ODAD2: variants seen among roughly 807,000 people sequenced by gnomAD.
The protein encoded by ODAD2 is outer dynein arm docking complex subunit 2, also known as outer dynein arm-docking complex subunit 2.
Under a neutral mutation model 106.8 loss-of-function variants are expected in ODAD2, and 89 were observed. The ratio of observed to expected loss-of-function variants is 0.83; its 90% CI spans 0.70 to 0.99. ODAD2 has a LOEUF of 0.99. Among genes scored for constraint, ODAD2 ranks in the 50% least tolerant of loss-of-function variants. The pLI, the probability that ODAD2 is intolerant of heterozygous loss-of-function variation, is 0.00. For missense variants in ODAD2, 1,168 were observed against 1,238.5 expected, an observed-to-expected ratio of 0.94 and a Z score of 0.85; for synonymous variants, 404 against 436.2, an observed-to-expected ratio of 0.93 and a Z score of 0.92.
chr10:27,931,542 TC>T (rs1845620799), intron 16 of ODAD2, among the ~76,000 whole-genome samples: 1 of 152,018 alleles, frequency 6.6e-6, no homozygotes, highest in Admixed American at 6.6e-5. Context: ...GATTTTTTTT[TC>T]ATTTCCATTT....
chr10:27,861,272 G>A lies in ODAD2; in HGVS notation c.2800-426C>T, dbSNP rs754896331. ...CTCCAAAAGTGCTGAGATTACAGGC[G>A]TGAGCCACTGCACCCAGCTGAAGGA... On this transcript the variant is annotated intron_variant, in intron 18 of 19. Coordinates refer to ENST00000305242, the MANE Select transcript of ODAD2 (RefSeq NM_018076.5). Among the ~76,000 whole-genome samples the A allele has an allele frequency of 9.2e-5, 14 of 152,162 alleles. 1 individual carries two copies. The highest frequency in any genetic ancestry group is 4.1e-4 in the South Asian group (2 of 4,830).
At chr10:27,837,796 C>G (rs1391945579) in intron 19 of ODAD2, among the ~76,000 whole-genome samples, 1 of 152,160 alleles carries the variant, frequency 6.6e-6, no homozygotes, top group African/African-American at 2.4e-5. Context: ...CATCCGCAAG[C>G]CCTGACTTGT....
At chr10:27,920,132 C>T (rs1804210174) in intron 16 of ODAD2, among the ~76,000 whole-genome samples, 1 of 151,800 alleles carries the variant, frequency 6.6e-6, no homozygotes, top group South Asian at 2.1e-4. Context: ...AGAGAGGTGG[C>T]ACTGAGTGGG....
At chr10:27,860,870 G>T in intron 18 of ODAD2, 24 bp from the exon 19 acceptor site, 1 of 1,593,954 alleles carries the variant, frequency 6.3e-7, no homozygotes, top group South Asian at 1.1e-5. Context: ...AATGAAATGG[G>T]ATCTGTGCAT....
At chr10:27,815,057 C>T (rs1294223084) in intron 19 of ODAD2, among the ~76,000 whole-genome samples, 1 of 152,162 alleles carries the variant, frequency 6.6e-6, no homozygotes, top group Non-Finnish European at 1.5e-5. Flanking sequence ...CCAATAAGGT[C>T]TCCTTCATAA....
intron 17 of ODAD2, among the ~76,000 whole-genome samples, chr10:27,879,776 G>A (rs1203160708): frequency 6.6e-6 from 1 of 152,118 alleles, no homozygotes; most frequent in Admixed American, 6.6e-5. Flanking sequence ...AACTCATAAT[G>A]AATGTAAAAT....
intron 10 of ODAD2, among the ~76,000 whole-genome samples, chr10:27,955,697 GT>G (rs1333216811): frequency 5.1e-4 from 4 of 7,880 alleles, no homozygotes; most frequent in African/African-American, 8.2e-4. Context: ...ACCAATTAAG[GT>G]GTGTGTGTGT....
In ODAD2 at chr10:27,966,001, G is replaced by A. The variant is rs138350628; in HGVS notation, c.1238+2922C>T. Among the ~76,000 whole-genome samples the A allele has an allele frequency of 8.1e-3, 1,231 of 152,124 alleles. 17 individuals are homozygous for A. The highest frequency in any genetic ancestry group is 0.028 in the African/African-American group (1,146 of 41,500). On this transcript the variant is annotated intron_variant, in intron 9 of 19. Coordinates refer to ENST00000305242, the MANE Select transcript of ODAD2 (RefSeq NM_018076.5). Reference sequence around the variant, plus strand: ...TCTCTTCAACTCCCAGTGGGTTCTCGTCCATAAAAGTCTTTTCTGTTCTAT... The same window carrying A: ...TCTCTTCAACTCCCAGTGGGTTCTCATCCATAAAAGTCTTTTCTGTTCTAT...
At chr10:27,989,225 C>T (rs1343384654) in intron 2 of ODAD2, among the ~76,000 whole-genome samples, 4 of 152,152 alleles carry the variant, frequency 2.6e-5, no homozygotes, top group Admixed American at 6.5e-5. Context: ...TGTGTTACAG[C>T]AGCAAAAGAG....
intron 19 of ODAD2, among the ~76,000 whole-genome samples, chr10:27,845,212 C>A (rs1838639066): frequency 6.6e-6 from 1 of 152,198 alleles, no homozygotes; most frequent in African/African-American, 2.4e-5. Context: ...ATCAGACTAA[C>A]AGAGGATCTC....
intron 10 of ODAD2, 61 bp downstream of exon 10, chr10:27,961,507 A>T: frequency 6.9e-7 from 1 of 1,458,992 alleles, no homozygotes; most frequent in Non-Finnish European, 9.4e-7. Flanking sequence ...AGCAGCATAT[A>T]CATCTTTGGG....
intron 2 of ODAD2, 97 bp downstream of exon 2, chr10:27,994,822 T>C (rs1009935847): frequency 7.4e-7 from 1 of 1,344,208 alleles, no homozygotes; most frequent in African/African-American, 1.5e-5. Context: ...CTTCTGAGGT[T>C]CAGAGAGGTT....
At chr10:27,906,528 T>C (rs1843602545) in intron 17 of ODAD2, among the ~76,000 whole-genome samples, 1 of 152,180 alleles carries the variant, frequency 6.6e-6, no homozygotes. Flanking sequence ...CCCAAAGGAT[T>C]ATAAATCATT....
chr10:27,826,882 T>A (rs1837086154), intron 19 of ODAD2, among the ~76,000 whole-genome samples: 1 of 151,588 alleles, frequency 6.6e-6, no homozygotes, highest in Non-Finnish European at 1.5e-5. Flanking sequence ...CCAGCTAGCA[T>A]CCTCACTCTC....
chr10:27,970,605 C>A (rs540312658), intron 8 of ODAD2, among the ~76,000 whole-genome samples: 22 of 152,248 alleles, frequency 1.4e-4, no homozygotes, highest in African/African-American at 5.1e-4. Context: ...CAAAGAGGAG[C>A]AGAAAGGAAT....
chr10:27,937,987 A>T (rs1202895854), intron 14 of ODAD2, among the ~76,000 whole-genome samples: 2 of 152,136 alleles, frequency 1.3e-5, no homozygotes, highest in African/African-American at 4.8e-5. Flanking sequence ...TCTGTTGCCC[A>T]GGCTGGAGTA....
Position 27,812,198 on chromosome 10 carries a change from C to T in ODAD2, c.*314G>A, listed in dbSNP as rs912149716. The T allele has an allele frequency of 4.5e-5, 13 of 288,688 alleles. No individual in the cohort carries two copies. The highest frequency in any genetic ancestry group is 2.1e-4 in the African/African-American group (9 of 43,542). 17.9% of individuals were successfully genotyped at this position (288,688 alleles called of 1,614,324 possible). On this transcript the variant is annotated 3_prime_UTR_variant, in exon 20 of 20. Coordinates refer to ENST00000305242, the MANE Select transcript of ODAD2 (RefSeq NM_018076.5). ...AAGGCCATATCCTTTTTATTAAAATCGCCACAAATACAAAAGCATCACTGA... is the reference window on the plus strand; with the variant it reads ...AAGGCCATATCCTTTTTATTAAAATTGCCACAAATACAAAAGCATCACTGA...
intron 19 of ODAD2, chr10:27,836,240 T>C (rs1837877712): frequency 6.6e-6 from 1 of 152,190 alleles, no homozygotes. Context: ...ATTTCATCTT[T>C]CCTATAACTC....
chr10:27,865,343 T>C (rs1210559851), intron 17 of ODAD2, among the ~76,000 whole-genome samples: 8 of 152,230 alleles, frequency 5.3e-5, no homozygotes, highest in Admixed American at 3.9e-4. Flanking sequence ...AACACTACTT[T>C]ATGAATTAGT....
Sources: gnomAD v4.1 joint callset for allele counts (sites outside exome capture counted in the v4.1 genomes callset) on GRCh38, gnomAD v4.1.1 for gene constraint, MANE v1.5 for transcripts, NCBI Gene and HGNC (gene_info 2026-07-23, HGNC 2026-07-21) for gene names.